Variants in ERBB4 observed in about 807,000 individuals in gnomAD.
ERBB4 encodes receptor tyrosine-protein kinase erbB-4.
Under a neutral mutation model 158.0 loss-of-function variants are expected in ERBB4, and 42 were observed. That is an observed-to-expected ratio of 0.27 (90% CI 0.21 to 0.34). The LOEUF is 0.34. Ranked by LOEUF, ERBB4 falls within the 10% of genes least tolerant of loss-of-function variation. ERBB4 has a pLI of 1.00. For synonymous variants in ERBB4, 583 were observed against 558.7 expected, an observed-to-expected ratio of 1.04 and a Z score of -0.61; for missense variants, 1,333 against 1,624.1, an observed-to-expected ratio of 0.82 and a Z score of 3.08.
intron 20 of ERBB4, among the ~76,000 whole-genome samples, chr2:211,546,056 A>T (rs1159832329): frequency 2.0e-4 from 31 of 152,100 alleles, no homozygotes; most frequent in Non-Finnish European, 2.9e-5. Context: ...CAAATAAAAC[A>T]TCATGAACCG....
intron 3 of ERBB4, among the ~76,000 whole-genome samples, chr2:211,910,158 C>A (rs1432686026): frequency 6.6e-6 from 1 of 151,288 alleles, no homozygotes; most frequent in Non-Finnish European, 1.5e-5. Context: ...CTCTGGTGAT[C>A]CACCCACCTC....
chr2:211,392,821 C>T (rs1348102130), intron 25 of ERBB4, among the ~76,000 whole-genome samples: 5 of 152,072 alleles, frequency 3.3e-5, no homozygotes, highest in African/African-American at 9.7e-5. Context: ...GTGCCCACCA[C>T]CACGCCTGGC....
chr2:212,007,423 G>A (rs908725078), intron 2 of ERBB4, among the ~76,000 whole-genome samples: 1 of 151,270 alleles, frequency 6.6e-6, no homozygotes, highest in South Asian at 2.1e-4. Context: ...CCGTTATTAT[G>A]GTAAACCACC....
At chr2:211,838,413 C>T (rs11897941) in intron 3 of ERBB4, among the ~76,000 whole-genome samples, 32,564 of 151,980 alleles carry the variant, frequency 0.21, 3,636 homozygotes, top group South Asian at 0.33. Flanking sequence ...ACATATGATA[C>T]AGCTTTACCT....
At chr2:212,080,278 A>C (rs971530903) in intron 2 of ERBB4, among the ~76,000 whole-genome samples, 2 of 151,620 alleles carry the variant, frequency 1.3e-5, no homozygotes, top group African/African-American at 4.9e-5. Flanking sequence ...GTGCCACTGC[A>C]CTCCAGCCTG....
intron 5 of ERBB4, among the ~76,000 whole-genome samples, chr2:211,746,758 A>G (rs2106198783): frequency 6.9e-6 from 1 of 144,088 alleles, no homozygotes; most frequent in Non-Finnish European, 1.5e-5. Context: ...TGAACCCGGG[A>G]GGCGGAGGTT....
At chr2:212,188,233 T>TCCC (rs1401740081) in intron 1 of ERBB4, among the ~76,000 whole-genome samples, 1 of 16,576 alleles carries the variant, frequency 6.0e-5, no homozygotes, top group African/African-American at 2.8e-4. Context: ...TCTCTCTCTC[T>TCCC]CCCCCCCCCT....
intron 1 of ERBB4, among the ~76,000 whole-genome samples, chr2:212,245,540 ATCT>A (rs1446118288): frequency 1.3e-4 from 20 of 152,310 alleles, no homozygotes; most frequent in East Asian, 3.9e-4. Flanking sequence ...TGTCAGTGAA[ATCT>A]TCTTGCCAAC....
chr2:212,140,151 C>T (rs59383771), intron 1 of ERBB4, among the ~76,000 whole-genome samples: 4,298 of 151,474 alleles, frequency 0.028, 141 homozygotes, highest in African/African-American at 0.078. Flanking sequence ...GCAGTTGCAT[C>T]ATTTTTTATT....
At chr2:212,094,791 C>T (rs754536064) in intron 2 of ERBB4, among the ~76,000 whole-genome samples, 3 of 151,980 alleles carry the variant, frequency 2.0e-5, no homozygotes, top group Non-Finnish European at 4.4e-5. Context: ...TCAGGTATTC[C>T]TTGATAAAGA....
intron 17 of ERBB4, among the ~76,000 whole-genome samples, chr2:211,624,755 A>G (rs1307492658): frequency 6.6e-6 from 1 of 152,190 alleles, no homozygotes; most frequent in African/African-American, 2.4e-5. Flanking sequence ...ACACTTTAAA[A>G]TCAAGTCTTG....
At chr2:212,089,764 A>C (rs1224063025) in intron 2 of ERBB4, among the ~76,000 whole-genome samples, 1 of 152,132 alleles carries the variant, frequency 6.6e-6, no homozygotes, top group Non-Finnish European at 1.5e-5. Flanking sequence ...TAAATCACCC[A>C]GTCTCAGGTA....
At chr2:212,480,698 G>A (rs1327878443) in intron 1 of ERBB4, among the ~76,000 whole-genome samples, 2 of 152,160 alleles carry the variant, frequency 1.3e-5, no homozygotes, top group African/African-American at 4.8e-5. Context: ...TGGCAACATT[G>A]ACACACTGTA....
chr2:212,439,211 G>A (rs764098665), intron 1 of ERBB4, among the ~76,000 whole-genome samples: 7 of 152,090 alleles, frequency 4.6e-5, no homozygotes, highest in Non-Finnish European at 8.8e-5. Context: ...GCCAGAACAC[G>A]TAAAAGACTG....
Position 211,490,327 on chromosome 2 carries a change from C to A in ERBB4, c.2488-59227G>T, listed in dbSNP as rs190184901. Among the ~76,000 whole-genome samples, 283 of 151,976 alleles carry A rather than the reference C, an allele frequency of 1.9e-3. 2 individuals carry two copies. The highest frequency in any genetic ancestry group is 6.2e-3 in the African/African-American group (256 of 41,474). On this transcript the variant is annotated intron_variant, in intron 20 of 27. Coordinates refer to ENST00000342788, the MANE Select transcript of ERBB4 (RefSeq NM_005235.3). ...TTATTTCTTTCTTTATAGCATTTAG[C>A]CTAAATAAGTTATATATTGAATTTA...
intron 1 of ERBB4, among the ~76,000 whole-genome samples, chr2:212,530,941 C>T (rs1318949076): frequency 1.3e-5 from 2 of 152,130 alleles, no homozygotes; most frequent in African/African-American, 4.8e-5. Flanking sequence ...TATTATAAAT[C>T]TTCAATCGGT....
At chr2:212,003,216 G>GGAAGAAAGACA in intron 2 of ERBB4, among the ~76,000 whole-genome samples, 1 of 34,474 alleles carries the variant, frequency 2.9e-5, no homozygotes, top group East Asian at 5.4e-4. Flanking sequence ...ACAGAAAGAA[G>GGAAGAAAGACA]GAAGGAAGGA....
At chr2:211,681,896 C>T (rs2072350553) in intron 12 of ERBB4, among the ~76,000 whole-genome samples, 1 of 151,606 alleles carries the variant, frequency 6.6e-6, no homozygotes, top group Non-Finnish European at 1.5e-5. Context: ...TTGGTGTGTC[C>T]AACCCAGGTT....
intron 2 of ERBB4, among the ~76,000 whole-genome samples, chr2:211,954,793 T>A (rs2080983304): frequency 6.6e-6 from 1 of 152,092 alleles, no homozygotes. Flanking sequence ...GGCAATTAAT[T>A]TCTGTCCCTG....
Sources: allele counts gnomAD v4.1 joint callset (sites outside exome capture counted in the v4.1 genomes callset), GRCh38; gene constraint gnomAD v4.1.1; transcripts MANE v1.5; gene names NCBI Gene and HGNC (gene_info 2026-07-23, HGNC 2026-07-21).